Variants in BRINP3 observed in about 807,000 individuals in gnomAD.
The protein encoded by BRINP3 is BMP/retinoic acid inducible neural specific 3.
A neutral mutation model predicts 71.0 loss-of-function variants in BRINP3; 19 were observed. The observed-to-expected ratio is 0.27, with a 90% CI of 0.19 to 0.39. The LOEUF (loss-of-function observed/expected upper bound fraction) is 0.39. Ranked by LOEUF, BRINP3 falls within the 10% of genes least tolerant of loss-of-function variation. The probability of loss-of-function intolerance (pLI) is 1.00; values close to 1 mark genes in which losing one functional copy is unlikely to be tolerated. For synonymous variants in BRINP3, 380 were observed against 337.7 expected, an observed-to-expected ratio of 1.13 and a Z score of -1.37; for missense variants, 959 against 940.8, an observed-to-expected ratio of 1.02 and a Z score of -0.25.
At chr1:190,207,774 T>C (rs558665191) in intron 6 of BRINP3, among the ~76,000 whole-genome samples, 2 of 152,270 alleles carry the variant, frequency 1.3e-5, no homozygotes, top group African/African-American at 4.8e-5. Flanking sequence ...ATGAACAAAT[T>C]GATTTTTAGA....
At position 190,309,501 on chromosome 1, in the gene BRINP3, C is replaced by T. The variant is rs552325658; in HGVS notation, c.237-27751G>A. 3.3e-5 allele frequency among the ~76,000 whole-genome samples: 5 copies of T among 151,836 alleles called. No individual in the cohort carries two copies. In the East Asian group the frequency reaches 9.7e-4, roughly 29 times the overall value. On this transcript the variant is annotated intron_variant, in intron 2 of 7. Transcript: ENST00000367462. ...TTTAAATTTAAAAACATGATTTCGG[C>T]ATATATTGAATAGTTTTAGAGAAGT...
At chr1:190,288,202 A>G (rs566398712) in intron 2 of BRINP3, among the ~76,000 whole-genome samples, 6 of 152,108 alleles carry the variant, frequency 3.9e-5, no homozygotes, top group African/African-American at 1.4e-4. Flanking sequence ...CCTTAATTAC[A>G]TTCATATAAT....
intron 7 of BRINP3, among the ~76,000 whole-genome samples, chr1:190,136,614 A>G (rs1226649834): frequency 1.3e-5 from 2 of 152,152 alleles, no homozygotes; most frequent in Non-Finnish European, 2.9e-5. Flanking sequence ...TTAAATTACC[A>G]TGAGCTTACA....
intron 2 of BRINP3, among the ~76,000 whole-genome samples, chr1:190,420,926 G>A (rs535132206): frequency 8.6e-5 from 13 of 151,920 alleles, no homozygotes; most frequent in African/African-American, 3.1e-4. Context: ...AAAGAGGTCA[G>A]AACAAGCTTG....
rs557479840 is a variant in BRINP3, at chr1:190,443,323, T to A, written c.236+11332A>T. Among the ~76,000 whole-genome samples the A allele has an allele frequency of 1.1e-4, 16 of 148,642 alleles. No homozygotes were observed. In the East Asian group the frequency reaches 3.0e-3, roughly 28 times the overall value. On this transcript the variant is annotated intron_variant, in intron 2 of 7. Transcript: ENST00000367462. Reference sequence around the variant, plus strand: ...GGGAGGCTGAGGCAGGAGAATGGCGTGAACCAGGGAGGCGGAGCTTGCAGT... The same window carrying A: ...GGGAGGCTGAGGCAGGAGAATGGCGAGAACCAGGGAGGCGGAGCTTGCAGT...
chr1:190,156,629 C>T (rs1320144852), intron 7 of BRINP3, among the ~76,000 whole-genome samples: 1 of 151,614 alleles, frequency 6.6e-6, no homozygotes, highest in Non-Finnish European at 1.5e-5. Context: ...TGGAAAATAT[C>T]AAACTTCAAT....
At chr1:190,408,619 G>A (rs1466877274) in intron 2 of BRINP3, among the ~76,000 whole-genome samples, 1 of 152,080 alleles carries the variant, frequency 6.6e-6, no homozygotes, top group Non-Finnish European at 1.5e-5. Context: ...GGTCAGTGAG[G>A]ATGGTTTGTA....
chr1:190,350,537 T>C (rs1668310071), intron 2 of BRINP3, among the ~76,000 whole-genome samples: 1 of 152,124 alleles, frequency 6.6e-6, no homozygotes, highest in Non-Finnish European at 1.5e-5. Context: ...AGGTCACTAA[T>C]AACCATGTGC....
chr1:190,391,610 A>T (rs1341369407), intron 2 of BRINP3, among the ~76,000 whole-genome samples: 1 of 151,756 alleles, frequency 6.6e-6, no homozygotes, highest in East Asian at 1.9e-4. Context: ...ACTGACATTT[A>T]AAAAATTTGT....
At chr1:190,225,075 G>T (rs1657227018) in intron 6 of BRINP3, among the ~76,000 whole-genome samples, 1 of 151,820 alleles carries the variant, frequency 6.6e-6, no homozygotes, top group South Asian at 2.1e-4. Flanking sequence ...TATGGAGTTT[G>T]CTCAAACACC....
intron 7 of BRINP3, among the ~76,000 whole-genome samples, chr1:190,101,295 C>T (rs889499556): frequency 7.9e-5 from 12 of 152,250 alleles, no homozygotes; most frequent in East Asian, 7.7e-4. Flanking sequence ...AAATGTGAGG[C>T]TATTTGGCAC....
chr1:190,166,865 A>G (rs1049677442), intron 6 of BRINP3, among the ~76,000 whole-genome samples: 1 of 152,018 alleles, frequency 6.6e-6, no homozygotes, highest in African/African-American at 2.4e-5. Flanking sequence ...CTGGGATTAC[A>G]GGCGCATACC....
intron 2 of BRINP3, chr1:190,342,844 G>A (rs1667756787): frequency 6.6e-6 from 1 of 151,764 alleles, no homozygotes; most frequent in Non-Finnish European, 1.5e-5. Context: ...TTAAACATAT[G>A]AAGTATATCT....
At chr1:190,370,202 G>T (rs1330460363) in intron 2 of BRINP3, among the ~76,000 whole-genome samples, 1 of 152,040 alleles carries the variant, frequency 6.6e-6, no homozygotes, top group African/African-American at 2.4e-5. Context: ...TTTGTAAGCT[G>T]GTTCTTTAAG....
chr1:190,289,708 G>T (rs989472199), intron 2 of BRINP3, among the ~76,000 whole-genome samples: 5 of 151,810 alleles, frequency 3.3e-5, no homozygotes, highest in African/African-American at 1.2e-4. Context: ...TTCTTTTGGG[G>T]ATTTATATAA....
chr1:190,148,369 G>A (rs1402035475), intron 7 of BRINP3, among the ~76,000 whole-genome samples: 2 of 151,770 alleles, frequency 1.3e-5, no homozygotes, highest in Admixed American at 6.6e-5. Context: ...CCGAGGCGGC[G>A]GATCAAGAGG....
intron 7 of BRINP3, among the ~76,000 whole-genome samples, chr1:190,116,919 G>A (rs954482562): frequency 6.6e-6 from 1 of 151,874 alleles, no homozygotes; most frequent in African/African-American, 2.4e-5. Context: ...TTGGATATAA[G>A]GACATCATTT....
chr1:190,407,357 G>A (rs1304861825), intron 2 of BRINP3, among the ~76,000 whole-genome samples: 1 of 152,060 alleles, frequency 6.6e-6, no homozygotes, highest in East Asian at 1.9e-4. Flanking sequence ...CAGGAGATGA[G>A]TGTCCTCCCA....
chr1:190,362,847 A>G (rs1669236938), intron 2 of BRINP3, among the ~76,000 whole-genome samples: 1 of 152,158 alleles, frequency 6.6e-6, no homozygotes, highest in Non-Finnish European at 1.5e-5. Context: ...TGAGTCCATT[A>G]AATCTCTTTT....
Sources: gnomAD v4.1 joint callset for allele counts (sites outside exome capture counted in the v4.1 genomes callset) on GRCh38, gnomAD v4.1.1 for gene constraint, MANE v1.5 for transcripts, NCBI Gene and HGNC (gene_info 2026-07-23, HGNC 2026-07-21) for gene names.